The following LAMB2 variants were observed in gnomAD, a reference collection of about 807,000 sequenced individuals.
The protein encoded by LAMB2 is laminin subunit beta-2.
LAMB2 carries 119 observed loss-of-function variants against 202.7 expected under a neutral mutation model. The ratio of observed to expected loss-of-function variants is 0.59; its 90% CI spans 0.51 to 0.68. The LOEUF (loss-of-function observed/expected upper bound fraction) is 0.68. LAMB2 is among the 30% of genes least tolerant of loss of function. The pLI is 0.00. For missense variants in LAMB2, 2,124 were observed against 2,410.6 expected, an observed-to-expected ratio of 0.88 and a Z score of 2.49; for synonymous variants, 818 against 902.2, an observed-to-expected ratio of 0.91 and a Z score of 1.67.
At position 49,123,952 on chromosome 3, in the gene LAMB2, A is replaced by G. The variant is rs1343630379; in HGVS notation, c.3573T>C (p.His1191=). Residue 1191 remains histidine, a synonymous_variant, in exon 24 of 32, where the codon CAT becomes CAC. Transcript: ENST00000305544. The part of the protein sequence containing the change: ...SGIFPACHPC[H]ACFGDWDRVV... ...CTCGGTCCCAATCCCCGAAGCATGC[A>G]TGGCAGGGATGGCAGGCAGGAAAGA... 5.0e-6 allele frequency: 8 copies of G among 1,613,376 alleles called. No homozygotes were observed. The highest frequency in any genetic ancestry group is 2.2e-5 in the East Asian group (1 of 44,886).
At position 49,122,178 on chromosome 3, in the gene LAMB2, T is replaced by G. The variant is rs772370353; in HGVS notation, c.4766A>C (p.Asp1589Ala). The G allele has an allele frequency of 1.9e-6, 3 of 1,613,588 alleles. No homozygotes were observed. Among genetic ancestry groups the G allele is most frequent in the Admixed American group, 3.3e-5 (2 of 60,026 alleles). ...DVRRAEQLLQDARRARSWAED... is the reference protein window; with the variant it reads ...DVRRAEQLLQAARRARSWAED... Reference sequence around the variant, plus strand: ...GGGGTCAGACCTTGCCCGCCGTGCATCCTGCAGTAGCTGCTCGGCACGACG... The same window carrying G: ...GGGGTCAGACCTTGCCCGCCGTGCAGCCTGCAGTAGCTGCTCGGCACGACG... The change falls in exon 28 of 32, where the codon GAT becomes GCT. Residue 1589 changes from aspartate to alanine, a missense_variant. Physicochemically the swap from Asp to Ala is moderately radical, Grantham distance 126. Transcript: ENST00000305544.
Position 49,122,835 on chromosome 3 carries a change from C to A in LAMB2, c.4442G>T (p.Arg1481Leu). The change falls in exon 27 of 32, where the codon CGT becomes CTT. Residue 1481 changes from arginine (R) to leucine (L), a missense_variant. Arg to Leu is a moderately radical substitution (Grantham distance 102). Around this residue, in one of 3 missense-constraint regions of LAMB2, gnomAD observed 1,702 missense variants for 1,896.3 expected, o/e 0.90. Coordinates refer to ENST00000305544, the MANE Select transcript of LAMB2 (RefSeq NM_002292.4). Reference protein sequence around the residue: ...GSILSRVAETRRQASEAQQRA... With the variant: ...GSILSRVAETLRQASEAQQRA... Reference sequence around the variant, plus strand: ...CTGCTGTGCCTCGCTTGCCTGCCGACGAGTCTCAGCCACTCTGCTGAGGAT... The same window carrying A: ...CTGCTGTGCCTCGCTTGCCTGCCGAAGAGTCTCAGCCACTCTGCTGAGGAT... 6.2e-7 allele frequency: 1 copy of A among 1,612,864 alleles called. No homozygotes were observed. The highest frequency in any genetic ancestry group is 8.5e-7 in the Non-Finnish European group (1 of 1,179,994).
At position 49,125,377 on chromosome 3, in the gene LAMB2, G is replaced by A. The variant is rs906478789; in HGVS notation, c.2596C>T (p.Arg866Cys). The change falls in exon 19 of 32, where the codon CGT becomes TGT. Residue 866 changes from arginine to cysteine, a missense_variant. By Grantham distance (180) the Arg-to-Cys change is radical. Around this residue, in one of 3 missense-constraint regions of LAMB2, gnomAD observed 1,702 missense variants for 1,896.3 expected, o/e 0.90. Coordinates refer to ENST00000305544, the MANE Select transcript of LAMB2 (RefSeq NM_002292.4). ...AFGLRCDRCQRGQWGFPSCRP... is the reference protein window; with the variant it reads ...AFGLRCDRCQCGQWGFPSCRP... ...CAGCTAGGGAATCCCCACTGGCCAC[G>A]CTGGCAGCGGTCACAGCGAAGCCCA... 9.3e-6 allele frequency: 15 copies of A among 1,614,066 alleles called. 1 individual carries two copies. In the East Asian group the frequency reaches 1.1e-4, roughly 12 times the overall value.
Position 49,123,283 on chromosome 3 carries a change from A to T in LAMB2, c.4073T>A (p.Val1358Glu). The change falls in exon 26 of 32, where the codon GTG (valine) becomes GAG (glutamate). Residue 1358 changes from valine to glutamate, a missense_variant. This residue lies in a region of LAMB2 where 1,702 missense variants were observed against 1,896.3 expected (regional missense o/e 0.90). Transcript: ENST00000305544. Reference sequence around the variant, plus strand: ...ATGCCGAGCACTTGCCGAGTTGCTCACAGGGCTAGGTACTGCCAGGGCTGA... The same window carrying T: ...ATGCCGAGCACTTGCCGAGTTGCTCTCAGGGCTAGGTACTGCCAGGGCTGA... ...NTSALAVPSP[V>E]SNSASARHRT... 1.2e-6 allele frequency: 2 copies of T among 1,614,100 alleles called. No homozygotes were observed. The highest frequency in any genetic ancestry group is 1.7e-6 in the Non-Finnish European group (2 of 1,180,036).
Position 49,123,597 on chromosome 3 carries a change from G to A in LAMB2, c.3832C>T (p.Gln1278Ter), listed in dbSNP as rs2045376201. Reference protein sequence around the residue: ...EIGEATEHLTQLEADLTDVQD... With the variant: ...EIGEATEHLT The stretch of plus-strand genomic sequence containing the variant: ...ACATCTGTCAGGTCTGCCTCGAGCT[G>A]AGTCAGGTGCTCAGTGGCCTCCCCA... Residue 1278 changes from glutamine to a stop codon, truncating the protein, a stop_gained, in exon 25 of 32, where the codon CAG becomes TAG. Transcript: ENST00000305544. LOFTEE classifies it high-confidence loss of function. 1.2e-6 allele frequency: 2 copies of A among 1,614,082 alleles called. No individual in the cohort carries two copies. Among genetic ancestry groups the A allele is most frequent in the Non-Finnish European group, 8.5e-7 (1 of 1,180,052 alleles).
At chr3:49,122,396 G>A in intron 27 of LAMB2, 26 bp from the exon 28 acceptor site, 1 of 1,602,588 alleles carries the variant, frequency 6.2e-7, no homozygotes, top group Non-Finnish European at 8.5e-7. Flanking sequence ...AAGAACTTAA[G>A]AACATAGATT....
intron 16 of LAMB2, 47 bp from the exon 17 acceptor site, chr3:49,126,206 T>C (rs1376537197): frequency 1.9e-6 from 3 of 1,607,704 alleles, no homozygotes; most frequent in Non-Finnish European, 2.5e-6. Flanking sequence ...TGGGACCACG[T>C]AGGCATTGCC....
chr3:49,121,663 G>T, intron 30 of LAMB2, 21 bp downstream of exon 30: 1 of 1,614,010 alleles, frequency 6.2e-7, no homozygotes, highest in Non-Finnish European at 8.5e-7. Context: ...ACCTTCTCCA[G>T]CTGGCTCTGC....
rs1246892210 is a variant in LAMB2 at position 49,124,834 on chromosome 3, A to C, written c.2976T>G (p.Ile992Met). The change falls in exon 21 of 32, where the codon ATT becomes ATG. Residue 992 changes from isoleucine to methionine, a missense_variant. Around this residue, in one of 3 missense-constraint regions of LAMB2, gnomAD observed 1,702 missense variants for 1,896.3 expected, o/e 0.90. Coordinates refer to ENST00000305544, the MANE Select transcript of LAMB2 (RefSeq NM_002292.4). ...RCQLCECSGN[I>M]DPMDPDACDP... ...CACAGGCATCAGGATCCATTGGGTC[A>C]ATGTTCCCACTGCACTCACACAGTT... 2 of 1,614,122 alleles carry C rather than the reference A, an allele frequency of 1.2e-6. No individual in the cohort carries two copies. The highest frequency in any genetic ancestry group is 1.7e-6 in the Non-Finnish European group (2 of 1,180,022).
chr3:49,125,219 C>T (rs2045398988), intron 19 of LAMB2, 34 bp downstream of exon 19: 1 of 1,613,578 alleles, frequency 6.2e-7, no homozygotes, highest in Non-Finnish European at 8.5e-7. Flanking sequence ...AGCCTGCCCA[C>T]CAACCAACCC....
chr3:49,125,908 G>A lies in LAMB2; in HGVS notation c.2345-18C>T. On this transcript the variant is annotated intron_variant, in intron 17 of 31. Coordinates refer to ENST00000305544, the MANE Select transcript of LAMB2 (RefSeq NM_002292.4). Reference sequence around the variant, plus strand: ...CTGACATGCTGTGGGGAGGAGGGTTGGGCCAAGTCAGGCTGGGTCCCCACC... The same window carrying A: ...CTGACATGCTGTGGGGAGGAGGGTTAGGCCAAGTCAGGCTGGGTCCCCACC... 3 of 1,614,094 alleles carry A rather than the reference G, an allele frequency of 1.9e-6. No individual in the cohort carries two copies. The highest frequency in any genetic ancestry group is 4.5e-5 in the East Asian group (2 of 44,874).
rs1331323675 is a variant in LAMB2 at position 49,128,576 on chromosome 3, G to A, written c.1900C>T (p.Gln634Ter). Residue 634 changes from glutamine (Q) to a stop codon, truncating the protein, a stop_gained, in exon 15 of 32, where the codon CAA (glutamine) becomes TAA (stop). Coordinates refer to ENST00000305544, the MANE Select transcript of LAMB2 (RefSeq NM_002292.4). LOFTEE classifies it high-confidence loss of function. ...LLRLEPQVPE[Q>*]WAELELIVQR... ...ACAATCAGTTCCAACTCTGCCCATT[G>A]CTCAGGGACCTGGGAAAACGGGATG... The A allele has an allele frequency of 6.2e-7, 1 of 1,614,244 alleles. No homozygotes were observed. The highest frequency in any genetic ancestry group is 8.5e-7 in the Non-Finnish European group (1 of 1,180,038).
At position 49,131,874 on chromosome 3, in the gene LAMB2, G is replaced by C; in HGVS notation, c.460-151C>G. The C allele has an allele frequency of 1.1e-6, 1 of 945,356 alleles. No homozygotes were observed. Among genetic ancestry groups the C allele is most frequent in the Non-Finnish European group, 1.6e-6 (1 of 612,706 alleles). 58.6% of individuals were successfully genotyped at this position (945,356 alleles called of 1,614,324 possible). On this transcript the variant is annotated intron_variant, in intron 4 of 31. Coordinates refer to ENST00000305544, the MANE Select transcript of LAMB2 (RefSeq NM_002292.4). This position sits in a 1 kb window ranked among gnomAD's most constrained non-coding sequence, Gnocchi z 5.0. The stretch of plus-strand genomic sequence containing the variant: ...AGCCAGATAATGACCAGCAAAGGTA[G>C]CCACCTCTAATGGGGAGACTCAGGG...
At chr3:49,128,211 G>A (rs1161295350) in intron 15 of LAMB2, among the ~76,000 whole-genome samples, 3 of 152,158 alleles carry the variant, frequency 2.0e-5, no homozygotes, top group African/African-American at 4.8e-5. Context: ...AGTGACACCA[G>A]GTGATTTCCC....
chr3:49,122,458 A>T (rs2045337068), intron 27 of LAMB2, 88 bp from the exon 28 acceptor site: 1 of 1,257,342 alleles, frequency 8.0e-7, no homozygotes, highest in African/African-American at 1.5e-5. Flanking sequence ...CAGGACATGT[A>T]CATGGGATAG....
chr3:49,126,561 TC>T, intron 15 of LAMB2, 64 bp from the exon 16 acceptor site: 2 of 1,597,956 alleles, frequency 1.3e-6, no homozygotes, highest in East Asian at 2.2e-5. Flanking sequence ...CATCTGGGCC[TC>T]CCCCATCCTT....
At chr3:49,126,745 T>C (rs1046253689) in intron 15 of LAMB2, among the ~76,000 whole-genome samples, 1 of 152,102 alleles carries the variant, frequency 6.6e-6, no homozygotes, top group African/African-American at 2.4e-5. Context: ...GAAATACTCA[T>C]AAAGCCTGGA....
Position 49,125,233 on chromosome 3 carries a change from C to G in LAMB2, c.2720+20G>C, listed in dbSNP as rs762162568. On this transcript the variant is annotated intron_variant, in intron 19 of 31. Transcript: ENST00000305544. ...AAGCCTGCCCACCAACCAACCCACT[C>G]ATAGCTGCTCCAGTCTCACCTTTCA... 1.9e-6 allele frequency: 3 copies of G among 1,613,758 alleles called. No individual in the cohort carries two copies. Among genetic ancestry groups the G allele is most frequent in the Non-Finnish European group, 1.7e-6 (2 of 1,180,006 alleles).
intron 15 of LAMB2, 21 bp from the exon 16 acceptor site, chr3:49,126,518 G>A (rs1415348034): frequency 6.2e-6 from 10 of 1,613,840 alleles, no homozygotes; most frequent in Non-Finnish European, 6.8e-6. Context: ...GTGGGGACAG[G>A]TGCAGTGGGT....
Sources: allele counts gnomAD v4.1 joint callset (sites outside exome capture counted in the v4.1 genomes callset), GRCh38; gene constraint gnomAD v4.1.1; regional missense constraint gnomAD v4.1.1; non-coding constraint Gnocchi (gnomAD v3.1); transcripts MANE v1.5; gene names NCBI Gene and HGNC (gene_info 2026-07-23, HGNC 2026-07-21).